NBPF11: variants seen among roughly 807,000 people sequenced by gnomAD.
NBPF11 encodes the protein NBPF member 11, also known as NBPF family member NBPF11.
A neutral mutation model predicts 93.9 loss-of-function variants in NBPF11; 72 were observed. The observed-to-expected ratio is 0.77, with a 90% confidence interval of 0.63 to 0.93. The LOEUF is 0.93. Among genes scored for constraint, NBPF11 ranks in the 40% least tolerant of loss-of-function variants. The pLI, the probability that NBPF11 is intolerant of heterozygous loss-of-function variation, is 0.00. For missense variants in NBPF11, 705 were observed against 802.2 expected (o/e 0.88, Z 1.46); for synonymous variants, 224 against 304.9 (o/e 0.73, Z 2.76).
In NBPF11 at chr1:148,108,534, A is replaced by G; in HGVS notation, c.1974T>C (p.Ser658=). The G allele has an allele frequency of 6.2e-7, 1 of 1,602,338 alleles. No individual in the cohort carries two copies. Among genetic ancestry groups the G allele is most frequent in the Non-Finnish European group, 8.5e-7 (1 of 1,171,946 alleles). Residue 658 remains serine, a synonymous_variant, in exon 18 of 24, where the codon AGT becomes AGC. Coordinates refer to ENST00000682118, the MANE Select transcript of NBPF11 (RefSeq NM_001385469.3). ...GCTGTTGCTCCAATACGTAAAAGGCACTTCTGTAGGGCTGGCATGAGTCAG... is the reference window on the plus strand; with the variant it reads ...GCTGTTGCTCCAATACGTAAAAGGCGCTTCTGTAGGGCTGGCATGAGTCAG... The part of the protein sequence containing the change: ...GLTDSCQPYR[S]AFYVLEQQRI...
intron 23 of NBPF11, 110 bp from the exon 24 acceptor site, chr1:148,104,022 G>C: frequency 6.2e-7 from 1 of 1,603,462 alleles, no homozygotes; most frequent in Non-Finnish European, 8.5e-7. Context: ...AAAAAGGACA[G>C]ATCCATTAAT....
chr1:148,116,983 A>AG, intron 12 of NBPF11, among the ~76,000 whole-genome samples: 2 of 152,194 alleles, frequency 1.3e-5, no homozygotes. Flanking sequence ...TGTGTTATTC[A>AG]GGGACATTCT....
intron 4 of NBPF11, 25 bp from the exon 5 acceptor site, chr1:148,127,063 T>C: frequency 3.7e-6 from 2 of 538,758 alleles, no homozygotes; most frequent in South Asian, 2.0e-5. Flanking sequence ...CCCAAACATA[T>C]GATGGGTTAA....
rs1217282397 is a variant in NBPF11, at chr1:148,124,501, G to T, written c.278+398C>A. 1.1e-4 allele frequency among the ~76,000 whole-genome samples: 17 copies of T among 150,896 alleles called. No homozygotes were observed. In the East Asian group the frequency reaches 2.5e-3, roughly 22 times the overall value. ...GACGAAAGAAGAAAAGAATGACAGG[G>T]TCGAGAAGGCAACATTGATTGAGTG... is the stretch of plus-strand genomic sequence containing the variant. On this transcript the variant is annotated intron_variant, in intron 6 of 23. Transcript: ENST00000682118.
Position 148,103,798 on chromosome 1 carries a change from G to A in NBPF11, c.*98C>T. The A allele has an allele frequency of 6.2e-7, 1 of 1,611,362 alleles. No individual in the cohort carries two copies. Among genetic ancestry groups the A allele is most frequent in the Non-Finnish European group, 8.5e-7 (1 of 1,179,244 alleles). ...CCTCAAATGAGTAAAACACACTTCT[G>A]TAGTGCTGGAATGAGTCAGGTAGTT... On this transcript the variant is annotated 3_prime_UTR_variant, in exon 24 of 24. Coordinates refer to ENST00000682118, the MANE Select transcript of NBPF11 (RefSeq NM_001385469.3).
intron 1 of NBPF11, chr1:148,149,438 C>T (rs1208464364): frequency 2.5e-6 from 4 of 1,583,948 alleles, no homozygotes; most frequent in Non-Finnish European, 2.6e-6. Context: ...GCTCTACGAG[C>T]GCTGCCCCAA....
At chr1:148,146,894 A>G (rs1459741818) in intron 1 of NBPF11, 23 of 1,613,018 alleles carry the variant, frequency 1.4e-5, no homozygotes, top group Non-Finnish European at 1.9e-5. Context: ...GCCGACATCG[A>G]CGCCACCTGG....
At chr1:148,108,125 G>T (rs1258625596) in intron 18 of NBPF11, among the ~76,000 whole-genome samples, 5 of 148,794 alleles carry the variant, frequency 3.4e-5, no homozygotes, top group African/African-American at 9.9e-5. Flanking sequence ...GATTGTTCAT[G>T]GTAGTGAGGA....
At chr1:148,135,851 G>A (rs1671192717) in intron 3 of NBPF11, 38 bp from the exon 4 acceptor site, 3 of 759,688 alleles carry the variant, frequency 3.9e-6, no homozygotes, top group African/African-American at 3.5e-5. Flanking sequence ...TACCTCCCCA[G>A]AGGAAAAGGT....
chr1:148,120,096 G>A (rs1312661772), intron 10 of NBPF11, among the ~76,000 whole-genome samples: 2 of 151,392 alleles, frequency 1.3e-5, no homozygotes, highest in African/African-American at 2.4e-5. Flanking sequence ...TTTGTGTATT[G>A]GGCCTCAACA....
chr1:148,144,839 G>A (rs1672744120), intron 1 of NBPF11, among the ~76,000 whole-genome samples: 1 of 151,438 alleles, frequency 6.6e-6, no homozygotes, highest in Admixed American at 6.6e-5. Context: ...GCATGGTGGT[G>A]CATGCCGTAA....
Position 148,141,145 on chromosome 1 carries a change from G to A in NBPF11, c.-277+2270C>T, listed in dbSNP as rs1672097925. Reference sequence around the variant, plus strand: ...CGATGAGTGGTTGTCAGGGGTGGAGGAGAGGAGGAGGCATGAAATGGTGAA... The same window carrying A: ...CGATGAGTGGTTGTCAGGGGTGGAGAAGAGGAGGAGGCATGAAATGGTGAA... On this transcript the variant is annotated intron_variant, in intron 2 of 23. Transcript: ENST00000682118. Among the ~76,000 whole-genome samples, 13 of 152,034 alleles carry A rather than the reference G, an allele frequency of 8.6e-5. No homozygotes were observed. In the South Asian group the frequency reaches 2.5e-3, roughly 29 times the overall value.
chr1:148,129,274 A>T (rs1369439503), intron 4 of NBPF11, among the ~76,000 whole-genome samples: 1 of 147,696 alleles, frequency 6.8e-6, no homozygotes, highest in Non-Finnish European at 1.5e-5. Context: ...ACGTGTATAT[A>T]CATAATATAC....
chr1:148,133,497 C>A (rs1255809992), intron 4 of NBPF11, among the ~76,000 whole-genome samples: 1 of 152,028 alleles, frequency 6.6e-6, no homozygotes, highest in Non-Finnish European at 1.5e-5. Flanking sequence ...GCCTTCTGTT[C>A]TCATCATGCT....
intron 6 of NBPF11, 38 bp from the exon 7 acceptor site, chr1:148,124,105 G>A (rs1233272985): frequency 2.9e-5 from 47 of 1,609,636 alleles, no homozygotes; most frequent in Admixed American, 1.0e-4. Flanking sequence ...ACAGTGAAAA[G>A]CATTGAGTGA....
intron 2 of NBPF11, among the ~76,000 whole-genome samples, chr1:148,139,367 A>G (rs1392779057): frequency 1.4e-5 from 2 of 145,814 alleles, no homozygotes; most frequent in Non-Finnish European, 3.0e-5. Flanking sequence ...AGTCCACTAC[A>G]TAAAGTCCCA....
intron 5 of NBPF11, among the ~76,000 whole-genome samples, chr1:148,125,978 A>G (rs1185854508): frequency 6.6e-6 from 1 of 151,792 alleles, no homozygotes; most frequent in Non-Finnish European, 1.5e-5. Flanking sequence ...TCTGCTTTTT[A>G]TTTTTATTTT....
intron 2 of NBPF11, among the ~76,000 whole-genome samples, chr1:148,141,632 C>T (rs1375837526): frequency 6.6e-6 from 1 of 151,792 alleles, no homozygotes; most frequent in East Asian, 1.9e-4. Flanking sequence ...CCTGGGGTGC[C>T]CCCGGAACAC....
chr1:148,146,320 C>G, intron 1 of NBPF11: 1 of 1,384,680 alleles, frequency 7.2e-7, no homozygotes, highest in South Asian at 1.6e-5. Flanking sequence ...CACCCCACCC[C>G]TCCCCTGCCG....
Sources: gnomAD v4.1 joint callset for allele counts (sites outside exome capture counted in the v4.1 genomes callset) on GRCh38, gnomAD v4.1.1 for gene constraint, MANE v1.5 for transcripts, NCBI Gene and HGNC (gene_info 2026-07-23, HGNC 2026-07-21) for gene names.